Variants in LAMA4 observed in about 807,000 individuals in gnomAD.
LAMA4 encodes the protein laminin subunit alpha-4.
LAMA4 carries 127 observed loss-of-function variants against 207.1 expected under a neutral mutation model. The observed-to-expected ratio is 0.61, with a 90% CI of 0.53 to 0.71. The LOEUF (loss-of-function observed/expected upper bound fraction) is 0.71. Ranked by LOEUF, LAMA4 falls within the 30% of genes least tolerant of loss-of-function variation. LAMA4 has a pLI of 0.00. For missense variants in LAMA4, 2,093 were observed against 2,246.5 expected, an observed-to-expected ratio of 0.93 and a Z score of 1.38; for synonymous variants, 761 against 816.0, an observed-to-expected ratio of 0.93 and a Z score of 1.15.
chr6:112,150,308 G>A (rs1281210747), intron 17 of LAMA4: 28 of 593,114 alleles, frequency 4.7e-5, no homozygotes, highest in Middle Eastern at 3.7e-4. Context: ...TCACCTCTAC[G>A]TGGTGTGATT....
intron 2 of LAMA4, among the ~76,000 whole-genome samples, chr6:112,243,395 G>A (rs1254177138): frequency 1.3e-5 from 2 of 152,192 alleles, no homozygotes; most frequent in Non-Finnish European, 2.9e-5. Context: ...CTTAAGCCAG[G>A]TTCCCTTTAA....
chr6:112,115,038 A>T (rs1777932754), intron 36 of LAMA4, among the ~76,000 whole-genome samples: 1 of 152,194 alleles, frequency 6.6e-6, no homozygotes, highest in African/African-American at 2.4e-5. Context: ...TGAGTGTGTT[A>T]TACAAAGCAG....
At chr6:112,115,539 T>G (rs1031289715) in intron 36 of LAMA4, among the ~76,000 whole-genome samples, 5 of 152,134 alleles carry the variant, frequency 3.3e-5, no homozygotes, top group African/African-American at 4.8e-5. Flanking sequence ...GATGTTTTAG[T>G]GTTTGTTGAT....
chr6:112,150,944 AT>A (rs1366607319), intron 16 of LAMA4, among the ~76,000 whole-genome samples: 1 of 152,076 alleles, frequency 6.6e-6, no homozygotes, highest in Non-Finnish European at 1.5e-5. Flanking sequence ...AAAGAAAAAA[AT>A]CTCTCTCTCT....
chr6:112,183,154 C>T (rs1283442964), intron 9 of LAMA4, among the ~76,000 whole-genome samples: 1 of 152,200 alleles, frequency 6.6e-6, no homozygotes, highest in African/African-American at 2.4e-5. Flanking sequence ...GATTTTTATA[C>T]ACAATGAACT....
intron 9 of LAMA4, chr6:112,178,965 C>T (rs1349660743): frequency 2.0e-5 from 3 of 152,320 alleles, no homozygotes; most frequent in Non-Finnish European, 4.4e-5. Context: ...TCCAGTGGCT[C>T]CTGGGTGGTC....
rs199593652 is a variant in LAMA4, at chr6:112,117,743, A to G, written c.4977T>C (p.Val1659=). Reference sequence around the variant, plus strand: ...TTTTAACATGACTAATGTTACCTAGAACCACGTATCCTCCTTCTGTTGAAA... The same window carrying G: ...TTTTAACATGACTAATGTTACCTAGGACCACGTATCCTCCTTCTGTTGAAA... ...TYFSTEGGYV[V]LDESFNIGLK... is the part of the protein sequence containing the mutation. Residue 1659 remains valine (V), a synonymous_variant, in exon 35 of 39, where the codon GTT becomes GTC. Coordinates refer to ENST00000230538, the MANE Select transcript of LAMA4 (RefSeq NM_001105206.3). The surrounding 1 kb of genome is among the most constrained non-coding windows in gnomAD (Gnocchi z 4.5). The G allele has an allele frequency of 9.9e-6, 16 of 1,613,212 alleles. No individual in the cohort carries two copies. The East Asian group carries it at 2.2e-4, about 22-fold the overall frequency.
At chr6:112,173,413 G>A (rs1781839709) in intron 11 of LAMA4, among the ~76,000 whole-genome samples, 1 of 152,188 alleles carries the variant, frequency 6.6e-6, no homozygotes, top group African/African-American at 2.4e-5. Context: ...GGGAATATTA[G>A]CTTGTCTTGT....
rs1170893113 is a variant in LAMA4, at chr6:112,155,305, T to A, written c.1959+260A>T. On this transcript the variant is annotated intron_variant, in intron 15 of 38. Coordinates refer to ENST00000230538, the MANE Select transcript of LAMA4 (RefSeq NM_001105206.3). ...TCAGCAAGAACTAATTTTAAATACA[T>A]ATTTTTTTTTTCAGGGACTTTGGCT... The A allele has an allele frequency of 5.3e-6, 3 of 567,268 alleles. No homozygotes were observed. In the Admixed American group the frequency reaches 9.3e-5, roughly 18 times the overall value. The allele number at this position is 567,268 out of a possible 1,614,324, so 35.1% of individuals were successfully genotyped here.
At chr6:112,183,041 G>C (rs1445653384) in intron 9 of LAMA4, among the ~76,000 whole-genome samples, 1 of 152,200 alleles carries the variant, frequency 6.6e-6, no homozygotes, top group Non-Finnish European at 1.5e-5. Flanking sequence ...AAAACCCGTA[G>C]CTAGGTGGAT....
At chr6:112,234,608 G>C (rs1785772503) in intron 2 of LAMA4, 2 of 150,242 alleles carry the variant, frequency 1.3e-5, no homozygotes, top group African/African-American at 4.9e-5. Context: ...GTAATCAAAA[G>C]AAAACCAACG....
In LAMA4 at chr6:112,175,300, G is replaced by C. The variant is rs1781955780; in HGVS notation, c.1357+13C>G. Reference sequence around the variant, plus strand: ...AACATGTGCTGGGTCAGCTATGAGAGGAATACACCTACGTTCGTAAGCCTC... The same window carrying C: ...AACATGTGCTGGGTCAGCTATGAGACGAATACACCTACGTTCGTAAGCCTC... On this transcript the variant is annotated intron_variant, in intron 11 of 38. Transcript: ENST00000230538. 1 of 1,613,428 alleles carries C rather than the reference G, an allele frequency of 6.2e-7. No individual in the cohort carries two copies. The highest frequency in any genetic ancestry group is 8.5e-7 in the Non-Finnish European group (1 of 1,179,700).
At position 112,187,396 on chromosome 6, in the gene LAMA4, G is replaced by A. The variant is rs1010454322; in HGVS notation, c.966+54C>T. 8.1e-6 allele frequency: 13 copies of A among 1,601,398 alleles called. 1 individual carries two copies. Among genetic ancestry groups the A allele is most frequent in the Middle Eastern group, 1.7e-4 (1 of 6,038 alleles). Reference sequence around the variant, plus strand: ...AGGGGTAGAAGGAATTACTAGCTGCGGGCCTGTGAAGCCAGGATGAAAACA... The same window carrying A: ...AGGGGTAGAAGGAATTACTAGCTGCAGGCCTGTGAAGCCAGGATGAAAACA... On this transcript the variant is annotated intron_variant, in intron 8 of 38. Transcript: ENST00000230538.
rs35563593 is a variant in LAMA4 at position 112,130,300 on chromosome 6, T to TTGTGTG, written c.3969-266_3969-261dup. ...AGATGACTAGTCATCAGCATTATTT[T>TTGTGTG]TGTGTGTGTGTGTGTGTGTGTGTGT... On this transcript the variant is annotated intron_variant, in intron 29 of 38. Transcript: ENST00000230538. The TTGTGTG allele has an allele frequency of 0.015, 5,544 of 381,876 alleles. 34 individuals are homozygous for TTGTGTG. Among genetic ancestry groups the TTGTGTG allele is most frequent in the East Asian group, 0.022 (385 of 17,802 alleles). The allele number at this position is 381,876 out of a possible 1,614,324, so 23.7% of individuals were successfully genotyped here.
Position 112,140,749 on chromosome 6 carries a change from G to C in LAMA4, c.2976+11C>G. The C allele has an allele frequency of 6.2e-7, 1 of 1,612,466 alleles. No homozygotes were observed. The highest frequency in any genetic ancestry group is 1.1e-5 in the South Asian group (1 of 91,046). ...ATTTGTAATAGGTCAAAATATAGCT[G>C]TATGGCTGACCTTGAAGTTGGAAGG... On this transcript the variant is annotated intron_variant, in intron 22 of 38. Coordinates refer to ENST00000230538, the MANE Select transcript of LAMA4 (RefSeq NM_001105206.3).
At chr6:112,238,324 T>G (rs1360739908) in intron 2 of LAMA4, among the ~76,000 whole-genome samples, 1 of 152,222 alleles carries the variant, frequency 6.6e-6, no homozygotes, top group Non-Finnish European at 1.5e-5. Context: ...GTGAAGATAT[T>G]GATACTGATC....
At chr6:112,190,635 A>G (rs1403520279) in intron 6 of LAMA4, among the ~76,000 whole-genome samples, 1 of 152,210 alleles carries the variant, frequency 6.6e-6, no homozygotes, top group East Asian at 1.9e-4. Context: ...TATGTGGCAA[A>G]TGGATGAATA....
chr6:112,211,391 G>A (rs558692229), intron 3 of LAMA4, among the ~76,000 whole-genome samples: 1 of 152,236 alleles, frequency 6.6e-6, no homozygotes, highest in East Asian at 1.9e-4. Flanking sequence ...AAAGATTTTT[G>A]CATTTAGGGT....
At chr6:112,205,065 G>A (rs1319916271) in intron 4 of LAMA4, among the ~76,000 whole-genome samples, 1 of 152,198 alleles carries the variant, frequency 6.6e-6, no homozygotes, top group South Asian at 2.1e-4. Flanking sequence ...GAGTATGAGT[G>A]AGTGCGTGTG....
Sources: allele counts gnomAD v4.1 joint callset (sites outside exome capture counted in the v4.1 genomes callset), GRCh38; gene constraint gnomAD v4.1.1; non-coding constraint Gnocchi (gnomAD v3.1); transcripts MANE v1.5; gene names NCBI Gene and HGNC (gene_info 2026-07-23, HGNC 2026-07-21).